Variants in MPPED2 observed in about 807,000 individuals in gnomAD.
MPPED2 encodes metallophosphoesterase MPPED2.
In MPPED2, 5 loss-of-function variants were observed where a neutral mutation model predicts 33.0. The ratio of observed to expected loss-of-function variants is 0.15; its 90% CI spans 0.08 to 0.32. The LOEUF (loss-of-function observed/expected upper bound fraction) is 0.32. Ranked by LOEUF, MPPED2 falls within the 10% of genes least tolerant of loss-of-function variation. The probability of loss-of-function intolerance (pLI) is 1.00; values close to 1 mark genes in which losing one functional copy is unlikely to be tolerated. For missense variants in MPPED2, 275 were observed against 372.1 expected, an observed-to-expected ratio of 0.74 and a Z score of 2.15; for synonymous variants, 136 against 141.9, an observed-to-expected ratio of 0.96 and a Z score of 0.29.
At chr11:30,533,138 C>T (rs1360993807) in intron 3 of MPPED2, among the ~76,000 whole-genome samples, 1 of 152,162 alleles carries the variant, frequency 6.6e-6, no homozygotes, top group Non-Finnish European at 1.5e-5. Context: ...GAAAAGGGCT[C>T]ACACTTTGGA....
chr11:30,448,618 C>G (rs139610074), intron 4 of MPPED2, among the ~76,000 whole-genome samples: 2 of 152,168 alleles, frequency 1.3e-5, no homozygotes, highest in East Asian at 3.9e-4. Context: ...GGATGAAAGG[C>G]AAAGGATTAA....
intron 4 of MPPED2, chr11:30,451,509 A>G (rs1950063138): frequency 5.8e-6 from 1 of 171,264 alleles, no homozygotes; most frequent in Non-Finnish European, 1.2e-5. Context: ...TATCATTCAA[A>G]CCTGGCTGAT....
chr11:30,544,258 G>T (rs929399338), intron 2 of MPPED2, among the ~76,000 whole-genome samples: 2 of 152,136 alleles, frequency 1.3e-5, no homozygotes, highest in Non-Finnish European at 2.9e-5. Flanking sequence ...ATTGTCCAGG[G>T]TTAAACGTTT....
intron 4 of MPPED2, among the ~76,000 whole-genome samples, chr11:30,489,857 C>T (rs1001650951): frequency 2.6e-4 from 39 of 151,902 alleles, no homozygotes; most frequent in African/African-American, 7.2e-4. Context: ...CCAGTCGGTG[C>T]AATATAGACC....
chr11:30,431,428 AATTAT>A (rs1565061059), intron 4 of MPPED2, among the ~76,000 whole-genome samples: 1 of 152,220 alleles, frequency 6.6e-6, no homozygotes, highest in Non-Finnish European at 1.5e-5. Context: ...AGATGGAGAT[AATTAT>A]ATTATCTATG....
chr11:30,558,579 C>CT (rs761109130), intron 2 of MPPED2, among the ~76,000 whole-genome samples: 295 of 141,010 alleles, frequency 2.1e-3, no homozygotes, highest in East Asian at 3.1e-3. Flanking sequence ...CCACACTCAG[C>CT]TTTTTTTTTT....
At chr11:30,395,681 T>G (rs1358514445) in intron 6 of MPPED2, among the ~76,000 whole-genome samples, 4 of 152,200 alleles carry the variant, frequency 2.6e-5, no homozygotes, top group African/African-American at 9.6e-5. Context: ...GGTGAGTTAA[T>G]AATCTAAGAG....
At chr11:30,539,493 C>T (rs1954984809) in intron 2 of MPPED2, among the ~76,000 whole-genome samples, 1 of 152,102 alleles carries the variant, frequency 6.6e-6, no homozygotes, top group Admixed American at 6.5e-5. Context: ...AGCATAAAAT[C>T]CCAAAGCAGG....
At chr11:30,481,557 GC>G (rs1951489184) in intron 4 of MPPED2, among the ~76,000 whole-genome samples, 2 of 152,102 alleles carry the variant, frequency 1.3e-5, no homozygotes. Context: ...CACAAGTCGA[GC>G]CCTGTTTTGC....
At chr11:30,512,496 A>G (rs565573244) in intron 3 of MPPED2, among the ~76,000 whole-genome samples, 1 of 152,290 alleles carries the variant, frequency 6.6e-6, no homozygotes, top group East Asian at 1.9e-4. Flanking sequence ...AAAAAAACTG[A>G]AATTAGGTCT....
intron 3 of MPPED2, among the ~76,000 whole-genome samples, chr11:30,506,263 T>C (rs1436882642): frequency 6.6e-6 from 1 of 152,062 alleles, no homozygotes; most frequent in Non-Finnish European, 1.5e-5. Context: ...GGTTTCAAAC[T>C]CCTGACCTCA....
chr11:30,466,632 G>A (rs1282629418), intron 4 of MPPED2, among the ~76,000 whole-genome samples: 1 of 152,212 alleles, frequency 6.6e-6, no homozygotes, highest in Admixed American at 6.5e-5. Flanking sequence ...TAGCCATTGA[G>A]TTTTAAAACA....
chr11:30,461,081 G>A (rs868096668), intron 4 of MPPED2, among the ~76,000 whole-genome samples: 1 of 152,162 alleles, frequency 6.6e-6, no homozygotes, highest in African/African-American at 2.4e-5. Flanking sequence ...TGAATCTTGA[G>A]GGCATTAGAC....
intron 2 of MPPED2, among the ~76,000 whole-genome samples, chr11:30,542,574 G>A (rs773602768): frequency 4.6e-5 from 7 of 151,640 alleles, no homozygotes; most frequent in African/African-American, 9.7e-5. Context: ...AGGCTGCAGC[G>A]AGCTGAGATT....
At chr11:30,517,829 C>T (rs1170120729) in intron 3 of MPPED2, among the ~76,000 whole-genome samples, 1 of 152,094 alleles carries the variant, frequency 6.6e-6, no homozygotes, top group Non-Finnish European at 1.5e-5. Flanking sequence ...CCATAATTAC[C>T]TTAGTAAAAT....
At chr11:30,528,941 C>T (rs559279666) in intron 3 of MPPED2, among the ~76,000 whole-genome samples, 3 of 152,294 alleles carry the variant, frequency 2.0e-5, no homozygotes, top group South Asian at 4.1e-4. Flanking sequence ...AACAATTCTA[C>T]TTCTAGGAAT....
At chr11:30,526,930 A>G (rs1954222612) in intron 3 of MPPED2, among the ~76,000 whole-genome samples, 1 of 150,658 alleles carries the variant, frequency 6.6e-6, no homozygotes, top group South Asian at 2.1e-4. Context: ...TTTGAGATGG[A>G]GTCTCCCTCT....
In MPPED2 at chr11:30,404,361, A is replaced by T. The variant is rs1342014650; in HGVS notation, c.766+9867T>A. On this transcript the variant is annotated intron_variant, in intron 6 of 6. Transcript: ENST00000448418. ...ATGCAAAAGCATTTGGAGGTGATGG[A>T]TGGAGACATTATGGTGCATTTCGTC... 2.6e-5 allele frequency among the ~76,000 whole-genome samples: 4 copies of T among 152,344 alleles called. No individual in the cohort carries two copies. The South Asian group carries it at 8.3e-4, about 32-fold the overall frequency.
intron 4 of MPPED2, among the ~76,000 whole-genome samples, chr11:30,447,539 G>A (rs1209710120): frequency 6.6e-6 from 1 of 152,168 alleles, no homozygotes; most frequent in Non-Finnish European, 1.5e-5. Context: ...GCCGAGCAGT[G>A]TGTGGGTGAT....
Sources: gnomAD v4.1 joint callset for allele counts (sites outside exome capture counted in the v4.1 genomes callset) on GRCh38, gnomAD v4.1.1 for gene constraint, MANE v1.5 for transcripts, NCBI Gene and HGNC (gene_info 2026-07-23, HGNC 2026-07-21) for gene names.